ABRAXAS2: variants seen among roughly 807,000 people sequenced by gnomAD.
ABRAXAS2 encodes the protein BRISC complex subunit Abraxas 2.
A neutral mutation model predicts 49.0 loss-of-function variants in ABRAXAS2; 23 were observed. The observed-to-expected ratio is 0.47, with a 90% CI of 0.34 to 0.66. ABRAXAS2 has a LOEUF of 0.66. ABRAXAS2 is among the 30% of genes least tolerant of loss of function. ABRAXAS2 has a pLI of 0.01. For missense variants in ABRAXAS2, 443 were observed against 511.9 expected (o/e 0.87, Z 1.30); for synonymous variants, 168 against 180.2 (o/e 0.93, Z 0.54).
chr10:124,802,679 T>G (rs1415387477), intron 1 of ABRAXAS2, among the ~76,000 whole-genome samples: 2 of 152,176 alleles, frequency 1.3e-5, no homozygotes, highest in Non-Finnish European at 2.9e-5. Flanking sequence ...TTTGTGAAAC[T>G]AGATCACTTC....
chr10:124,810,573 G>A (rs1950780356), intron 2 of ABRAXAS2, among the ~76,000 whole-genome samples: 1 of 133,352 alleles, frequency 7.5e-6, no homozygotes, highest in South Asian at 2.5e-4. Flanking sequence ...TTAGTCTTTC[G>A]TCGAGGATGT....
intron 1 of ABRAXAS2, among the ~76,000 whole-genome samples, chr10:124,802,329 C>T (rs183251079): frequency 6.6e-6 from 1 of 152,356 alleles, no homozygotes; most frequent in Non-Finnish European, 1.5e-5. Context: ...GCCCGCCGGT[C>T]TCGCAGGTTG....
intron 2 of ABRAXAS2, among the ~76,000 whole-genome samples, chr10:124,813,975 T>C (rs1032263662): frequency 2.0e-5 from 3 of 152,202 alleles, no homozygotes; most frequent in African/African-American, 7.2e-5. Context: ...CTTATGATGG[T>C]ATACTTTATC....
intron 2 of ABRAXAS2, 54 bp from the exon 3 acceptor site, chr10:124,816,522 G>A: frequency 2.4e-6 from 3 of 1,267,214 alleles, no homozygotes; most frequent in East Asian, 2.3e-5. Context: ...CTATTTTATA[G>A]TTGCCTATGT....
intron 3 of ABRAXAS2, among the ~76,000 whole-genome samples, chr10:124,817,732 TG>T (rs1303158201): frequency 6.6e-6 from 1 of 152,088 alleles, no homozygotes; most frequent in African/African-American, 2.4e-5. Context: ...CCTGGGGACT[TG>T]TGTCATATTC....
chr10:124,816,659 T>TA (rs112824853), intron 3 of ABRAXAS2, 47 bp downstream of exon 3: 321 of 1,385,660 alleles, frequency 2.3e-4, no homozygotes, highest in South Asian at 1.4e-3. Context: ...GATTGATTGA[T>TA]AAAAAAAACT....
chr10:124,824,121 C>CA (rs1950881513), intron 4 of ABRAXAS2, among the ~76,000 whole-genome samples: 4 of 152,040 alleles, frequency 2.6e-5, no homozygotes, highest in African/African-American at 9.7e-5. Context: ...AGGCCGGGCT[C>CA]AAACTCCTGG....
At chr10:124,810,543 C>A (rs919043752) in intron 2 of ABRAXAS2, among the ~76,000 whole-genome samples, 1 of 151,580 alleles carries the variant, frequency 6.6e-6, no homozygotes, top group Non-Finnish European at 1.5e-5. Flanking sequence ...AAAAGACTTG[C>A]GATGTGTAAG....
intron 2 of ABRAXAS2, among the ~76,000 whole-genome samples, chr10:124,811,928 C>G (rs964223667): frequency 6.6e-6 from 1 of 152,070 alleles, no homozygotes; most frequent in African/African-American, 2.4e-5. Flanking sequence ...CAGGCATGCA[C>G]CACCATGACC....
At chr10:124,823,237 A>C (rs570108104) in intron 4 of ABRAXAS2, among the ~76,000 whole-genome samples, 1 of 152,192 alleles carries the variant, frequency 6.6e-6, no homozygotes, top group African/African-American at 2.4e-5. Flanking sequence ...AAAAAGCTTT[A>C]TAATTCTTGT....
At chr10:124,818,737 C>T (rs185540885) in intron 3 of ABRAXAS2, among the ~76,000 whole-genome samples, 174 of 152,232 alleles carry the variant, frequency 1.1e-3, no homozygotes, top group South Asian at 2.3e-3. Flanking sequence ...TACCTGGATG[C>T]GCACCACGGG....
intron 2 of ABRAXAS2, among the ~76,000 whole-genome samples, chr10:124,815,283 C>T (rs1589805173): frequency 6.6e-6 from 1 of 151,822 alleles, no homozygotes; most frequent in Non-Finnish European, 1.5e-5. Context: ...CAAGCTCCAC[C>T]TCCCGGGTTC....
At chr10:124,821,053 A>G (rs1399778412) in intron 4 of ABRAXAS2, among the ~76,000 whole-genome samples, 1 of 151,640 alleles carries the variant, frequency 6.6e-6, no homozygotes, top group African/African-American at 2.4e-5. Flanking sequence ...AGCTGCAACT[A>G]CAGGTATGCA....
chr10:124,819,339 A>G, intron 3 of ABRAXAS2, 45 bp from the exon 4 acceptor site: 1 of 1,527,992 alleles, frequency 6.5e-7, no homozygotes. Flanking sequence ...CGTCTATGTC[A>G]CAATACTATG....
chr10:124,818,259 G>A (rs1464077063), intron 3 of ABRAXAS2, among the ~76,000 whole-genome samples: 1 of 151,974 alleles, frequency 6.6e-6, no homozygotes, highest in African/African-American at 2.4e-5. Context: ...AGCCAGGTAC[G>A]GTGGTGGGTG....
At chr10:124,805,915 C>T (rs1337483813) in intron 1 of ABRAXAS2, among the ~76,000 whole-genome samples, 1 of 152,044 alleles carries the variant, frequency 6.6e-6, no homozygotes, top group Non-Finnish European at 1.5e-5. Context: ...CAGAACATGG[C>T]GCAAGTACAC....
chr10:124,827,163 T>TTATAGTGCA (rs200703739), intron 5 of ABRAXAS2, among the ~76,000 whole-genome samples: 7,126 of 128,984 alleles, frequency 0.055, 540 homozygotes, highest in African/African-American at 0.19. Context: ...TTATAGTGCA[T>TTATAGTGCA]TTTTTTTTTT....
Position 124,834,482 on chromosome 10 carries a change from TA to T in ABRAXAS2, c.779-19del. 2.5e-6 allele frequency: 4 copies of T among 1,593,628 alleles called. No individual in the cohort carries two copies. The highest frequency in any genetic ancestry group is 3.4e-6 in the Non-Finnish European group (4 of 1,167,012). On this transcript the variant is annotated intron_variant, in intron 8 of 8. Coordinates refer to ENST00000298492, the MANE Select transcript of ABRAXAS2 (RefSeq NM_032182.4). ...TGTGAGAATCTAGAAAGTGTTAGAA[TA>T]TTCTTTGTTTTCATCCAGGATTGCA...
At chr10:124,802,825 C>T (rs1041092821) in intron 1 of ABRAXAS2, among the ~76,000 whole-genome samples, 2 of 152,156 alleles carry the variant, frequency 1.3e-5, no homozygotes, top group African/African-American at 2.4e-5. Context: ...TGGTACACTG[C>T]AGAAGGAGGA....
Sources: allele counts gnomAD v4.1 joint callset (sites outside exome capture counted in the v4.1 genomes callset), GRCh38; gene constraint gnomAD v4.1.1; transcripts MANE v1.5; gene names NCBI Gene and HGNC (gene_info 2026-07-23, HGNC 2026-07-21).